HDAC4: variants seen among roughly 807,000 people sequenced by gnomAD.
HDAC4 encodes histone deacetylase 4.
Under a neutral mutation model 135.1 loss-of-function variants are expected in HDAC4, and 16 were observed. The observed-to-expected ratio is 0.12, with a 90% CI of 0.08 to 0.18. The LOEUF (loss-of-function observed/expected upper bound fraction) is 0.18, where lower values mean the gene tolerates loss of function less well. Ranked by LOEUF, HDAC4 falls within the 10% of genes least tolerant of loss-of-function variation. The pLI, the probability that HDAC4 is intolerant of heterozygous loss-of-function variation, is 1.00. For synonymous variants in HDAC4, 685 were observed against 653.4 expected (o/e 1.05, Z -0.74); for missense variants, 1,143 against 1,511.8 (o/e 0.76, Z 4.05).
intron 1 of HDAC4, among the ~76,000 whole-genome samples, chr2:239,364,832 C>T (rs35250004): frequency 2.2e-3 from 341 of 152,344 alleles, no homozygotes; most frequent in Admixed American, 3.9e-3. Flanking sequence ...GCCACCATTT[C>T]TTACAACCAG....
intron 1 of HDAC4, among the ~76,000 whole-genome samples, chr2:239,366,592 C>T (rs923327936): frequency 6.6e-6 from 1 of 152,140 alleles, no homozygotes; most frequent in African/African-American, 2.4e-5. Flanking sequence ...AGAAGGCATC[C>T]AGATAAAACA....
intron 3 of HDAC4, among the ~76,000 whole-genome samples, chr2:239,199,338 T>C (rs1238709287): frequency 6.6e-6 from 1 of 152,108 alleles, no homozygotes; most frequent in Non-Finnish European, 1.5e-5. Context: ...AAATGATCAC[T>C]GACTAGATTC....
At chr2:239,106,194 C>G (rs910339875) in intron 15 of HDAC4, among the ~76,000 whole-genome samples, 7 of 152,112 alleles carry the variant, frequency 4.6e-5, no homozygotes, top group African/African-American at 1.7e-4. Flanking sequence ...GGCGGAGGAG[C>G]TGAGGGCGGG....
At chr2:239,124,422 C>T (rs973694364) in intron 12 of HDAC4, among the ~76,000 whole-genome samples, 72 of 152,252 alleles carry the variant, frequency 4.7e-4, no homozygotes, top group Admixed American at 1.8e-3. Flanking sequence ...TCGTGCCTGG[C>T]ATCCTGCTTC....
chr2:239,246,718 G>A (rs1398352310), intron 2 of HDAC4, among the ~76,000 whole-genome samples: 1 of 152,220 alleles, frequency 6.6e-6, no homozygotes, highest in South Asian at 2.1e-4. Flanking sequence ...AAGACAACAC[G>A]GAGAGACAGC....
At chr2:239,242,808 C>T (rs1044531030) in intron 2 of HDAC4, among the ~76,000 whole-genome samples, 1 of 152,198 alleles carries the variant, frequency 6.6e-6, no homozygotes, top group Admixed American at 6.5e-5. Flanking sequence ...TTCCCATCTA[C>T]TCCTAGTTTG....
intron 1 of HDAC4, among the ~76,000 whole-genome samples, chr2:239,378,148 T>C (rs1343306857): frequency 3.3e-5 from 5 of 151,954 alleles, no homozygotes; most frequent in Admixed American, 6.5e-5. Flanking sequence ...CCTGTGCACA[T>C]AGATCTGGCC....
chr2:239,132,197 T>C (rs2040636700), intron 11 of HDAC4, among the ~76,000 whole-genome samples: 1 of 152,134 alleles, frequency 6.6e-6, no homozygotes, highest in Non-Finnish European at 1.5e-5. Context: ...TTAACCCTCA[T>C]CAGGCTCACG....
chr2:239,102,875 T>A lies in HDAC4; in HGVS notation c.2134A>T (p.Thr712Ser). 1 of 1,613,954 alleles carries A rather than the reference T, an allele frequency of 6.2e-7. No individual in the cohort carries two copies. ...KCECIRGRKA[T>S]LEELQTVHSE... ...TGCACCGTCTGTAGCTCCTCCAGGGTGGCCTTGCGTCCGCGGATGCACTGT... is the reference window on the plus strand; with the variant it reads ...TGCACCGTCTGTAGCTCCTCCAGGGAGGCCTTGCGTCCGCGGATGCACTGT... The change falls in exon 16 of 27, where the codon ACC becomes TCC. Residue 712 changes from threonine to serine, a missense_variant. Coordinates refer to ENST00000543185, the MANE Select transcript of HDAC4 (RefSeq NM_001378414.1).
chr2:239,071,086 T>C (rs2034150941), intron 22 of HDAC4, among the ~76,000 whole-genome samples: 1 of 151,790 alleles, frequency 6.6e-6, no homozygotes, highest in Admixed American at 6.6e-5. Context: ...TTTAATGGAG[T>C]GAGCAGAAGC....
At chr2:239,226,776 A>G (rs1479167822) in intron 3 of HDAC4, among the ~76,000 whole-genome samples, 2 of 152,226 alleles carry the variant, frequency 1.3e-5, no homozygotes, top group African/African-American at 2.4e-5. Context: ...ACCAGTTGGA[A>G]AGTGAGGCCG....
chr2:239,386,486 G>C (rs1695817365), intron 1 of HDAC4, among the ~76,000 whole-genome samples: 3 of 152,178 alleles, frequency 2.0e-5, no homozygotes, highest in Admixed American at 2.0e-4. Context: ...GCATCCCGGG[G>C]TGGCCGGCCA....
At position 239,319,900 on chromosome 2, in the gene HDAC4, T is replaced by G. The variant is rs373037501; in HGVS notation, c.22+32778A>C. On this transcript the variant is annotated intron_variant, in intron 2 of 26. Coordinates refer to ENST00000543185, the MANE Select transcript of HDAC4 (RefSeq NM_001378414.1). ...ATGTGCATGTATGATAAAACTTTTT[T>G]TTGGAAACAGCAGAATGAAAAGCAA... 3.3e-5 allele frequency among the ~76,000 whole-genome samples: 5 copies of G among 152,338 alleles called. No individual in the cohort carries two copies. In the East Asian group the frequency reaches 7.7e-4, roughly 23 times the overall value.
At chr2:239,326,443 G>A (rs1292011629) in intron 2 of HDAC4, among the ~76,000 whole-genome samples, 2 of 152,164 alleles carry the variant, frequency 1.3e-5, no homozygotes, top group Non-Finnish European at 1.5e-5. Context: ...TGGTGGTGAT[G>A]GTTGCCCAAC....
chr2:239,287,841 A>C (rs2051224242), intron 2 of HDAC4, among the ~76,000 whole-genome samples: 1 of 152,246 alleles, frequency 6.6e-6, no homozygotes, highest in Non-Finnish European at 1.5e-5. Context: ...AATCTATGAC[A>C]ATAAAATTGA....
At chr2:239,194,795 A>G (rs568326735) in intron 3 of HDAC4, among the ~76,000 whole-genome samples, 271 of 152,324 alleles carry the variant, frequency 1.8e-3, no homozygotes, top group Non-Finnish European at 3.1e-3. Flanking sequence ...AAGGCCAGCA[A>G]CTGAGGAGGA....
chr2:239,118,661 C>A (rs1266625869), intron 12 of HDAC4, among the ~76,000 whole-genome samples: 1 of 152,102 alleles, frequency 6.6e-6, no homozygotes, highest in Non-Finnish European at 1.5e-5. Context: ...TCCCTTGTGG[C>A]GATCATTTCA....
At chr2:239,275,373 G>C (rs2050296513) in intron 2 of HDAC4, among the ~76,000 whole-genome samples, 1 of 152,232 alleles carries the variant, frequency 6.6e-6, no homozygotes, top group Non-Finnish European at 1.5e-5. Flanking sequence ...CCAAGCACAG[G>C]GCTCACCCAG....
intron 22 of HDAC4, among the ~76,000 whole-genome samples, chr2:239,074,000 AG>A (rs1275085261): frequency 7.5e-6 from 1 of 133,886 alleles, no homozygotes; most frequent in Admixed American, 7.3e-5. Context: ...CGCAGGACTG[AG>A]GGGGGCAGCA....
Sources: allele counts gnomAD v4.1 joint callset (sites outside exome capture counted in the v4.1 genomes callset), GRCh38; gene constraint gnomAD v4.1.1; transcripts MANE v1.5; gene names NCBI Gene and HGNC (gene_info 2026-07-23, HGNC 2026-07-21).